CSMD1: variants seen among roughly 807,000 people sequenced by gnomAD.
CSMD1 encodes CUB and sushi domain-containing protein 1.
A neutral mutation model predicts 417.5 loss-of-function variants in CSMD1; 213 were observed. That is an observed-to-expected ratio of 0.51 (90% confidence interval 0.46 to 0.57). The LOEUF (loss-of-function observed/expected upper bound fraction) is 0.57, where lower values mean the gene tolerates loss of function less well. CSMD1 is among the 20% of genes least tolerant of loss of function. The pLI, the probability that CSMD1 is intolerant of heterozygous loss-of-function variation, is 0.00. For synonymous variants in CSMD1, 2,862 were observed against 1,736.8 expected (o/e 1.65, Z -16.11); for missense variants, 6,923 against 4,529.7 (o/e 1.53, Z -15.17).
At chr8:4,894,119 T>TC (rs1563695189) in intron 1 of CSMD1, among the ~76,000 whole-genome samples, 1 of 152,050 alleles carries the variant, frequency 6.6e-6, no homozygotes, top group African/African-American at 2.4e-5. Flanking sequence ...GCGCACTGTA[T>TC]CCCATACATT....
At chr8:3,804,192 G>T (rs1323437818) in intron 5 of CSMD1, among the ~76,000 whole-genome samples, 1 of 152,058 alleles carries the variant, frequency 6.6e-6, no homozygotes, top group Non-Finnish European at 1.5e-5. Flanking sequence ...TCAGCCTCCA[G>T]AAGTGTTGGG....
intron 26 of CSMD1, among the ~76,000 whole-genome samples, chr8:3,276,969 T>A (rs1802339101): frequency 6.6e-6 from 1 of 152,030 alleles, no homozygotes; most frequent in Admixed American, 6.6e-5. Flanking sequence ...GTATAAACAT[T>A]GTGTTTGGGG....
intron 1 of CSMD1, among the ~76,000 whole-genome samples, chr8:4,869,623 G>T (rs974210176): frequency 2.6e-5 from 4 of 151,884 alleles, no homozygotes; most frequent in African/African-American, 9.7e-5. Context: ...TAAAAAGTAT[G>T]AATTTCTTCT....
At chr8:3,183,573 C>G (rs571270144) in intron 36 of CSMD1, among the ~76,000 whole-genome samples, 1 of 138,784 alleles carries the variant, frequency 7.2e-6, no homozygotes, top group Non-Finnish European at 1.5e-5. Context: ...GTCTCTAACG[C>G]CTAATCTATC....
intron 3 of CSMD1, among the ~76,000 whole-genome samples, chr8:4,081,741 A>G (rs1800145351): frequency 6.6e-6 from 1 of 152,238 alleles, no homozygotes; most frequent in African/African-American, 2.4e-5. Context: ...AAAAGGTAAC[A>G]AGAGTATTTT....
chr8:3,923,909 T>C (rs1809457747), intron 5 of CSMD1, among the ~76,000 whole-genome samples: 1 of 152,230 alleles, frequency 6.6e-6, no homozygotes, highest in Non-Finnish European at 1.5e-5. Context: ...ATATTGTCCT[T>C]TAAATTTCAT....
intron 18 of CSMD1, among the ~76,000 whole-genome samples, chr8:3,381,050 G>A (rs1048363298): frequency 2.6e-5 from 4 of 152,126 alleles, no homozygotes; most frequent in Non-Finnish European, 5.9e-5. Flanking sequence ...TCTCAAATGA[G>A]TCAGGCAAAG....
intron 1 of CSMD1, among the ~76,000 whole-genome samples, chr8:4,638,989 A>T (rs748728948): frequency 5.9e-5 from 9 of 152,210 alleles, no homozygotes; most frequent in African/African-American, 1.9e-4. Context: ...GCTTCCTGCA[A>T]GAACCAAGCG....
intron 2 of CSMD1, among the ~76,000 whole-genome samples, chr8:4,580,589 C>A (rs950514580): frequency 2.6e-5 from 4 of 152,120 alleles, no homozygotes; most frequent in African/African-American, 9.7e-5. Flanking sequence ...TCTCCTCTTC[C>A]ATCTCACCCA....
intron 5 of CSMD1, among the ~76,000 whole-genome samples, chr8:3,798,156 T>C (rs1485395133): frequency 2.0e-5 from 3 of 152,060 alleles, no homozygotes; most frequent in Admixed American, 2.0e-4. Context: ...GCATCATATG[T>C]AGTCTTTTAT....
At chr8:3,883,949 T>C (rs2975342) in intron 5 of CSMD1, among the ~76,000 whole-genome samples, 32,796 of 152,038 alleles carry the variant, frequency 0.22, 4,024 homozygotes, top group African/African-American at 0.33. Context: ...CTTTTAAACA[T>C]ACATAGATAT....
intron 5 of CSMD1, among the ~76,000 whole-genome samples, chr8:3,759,293 T>G (rs905373533): frequency 6.6e-6 from 1 of 152,144 alleles, no homozygotes; most frequent in East Asian, 1.9e-4. Flanking sequence ...ATCAGAATGA[T>G]CTAGAATGAT....
rs189604373 is a variant in CSMD1, at chr8:3,535,961, T to A, written c.1344+38984A>T. On this transcript the variant is annotated intron_variant, in intron 10 of 69. Transcript: ENST00000635120. ...AGCCCCCACCAGTCGGTTACAGTTA[T>A]ATGACAGAGGGCCATCCAGGGAGGG... Among the ~76,000 whole-genome samples the A allele has an allele frequency of 4.6e-3, 705 of 152,238 alleles. 2 individuals are homozygous for A. The highest frequency in any genetic ancestry group is 8.0e-3 in the Admixed American group (122 of 15,284).
intron 3 of CSMD1, among the ~76,000 whole-genome samples, chr8:4,374,231 C>A (rs1309067036): frequency 2.0e-5 from 3 of 152,170 alleles, no homozygotes; most frequent in African/African-American, 7.2e-5. Context: ...GTCCCCACAA[C>A]ATCATCACCA....
intron 7 of CSMD1, among the ~76,000 whole-genome samples, chr8:3,707,926 A>G (rs746417222): frequency 3.3e-4 from 51 of 152,266 alleles, no homozygotes; most frequent in Middle Eastern, 3.4e-3. Context: ...TGCAAAAGTC[A>G]TCAGCCAGAC....
chr8:4,117,539 C>G (rs1311705682), intron 3 of CSMD1, among the ~76,000 whole-genome samples: 1 of 152,194 alleles, frequency 6.6e-6, no homozygotes, highest in South Asian at 2.1e-4. Context: ...TATTATAATA[C>G]TCACTGATTG....
intron 3 of CSMD1, among the ~76,000 whole-genome samples, chr8:4,310,763 G>T (rs1398233224): frequency 6.6e-6 from 1 of 152,134 alleles, no homozygotes; most frequent in African/African-American, 2.4e-5. Context: ...GAGGGAGACT[G>T]TGTCCATATA....
At chr8:4,137,001 A>C (rs1803482083) in intron 3 of CSMD1, among the ~76,000 whole-genome samples, 1 of 152,222 alleles carries the variant, frequency 6.6e-6, no homozygotes, top group Non-Finnish European at 1.5e-5. Flanking sequence ...CACAGTGAGA[A>C]ACCAAGCAGC....
intron 1 of CSMD1, among the ~76,000 whole-genome samples, chr8:4,979,671 A>T (rs1357116702): frequency 6.6e-6 from 1 of 152,204 alleles, no homozygotes; most frequent in African/African-American, 2.4e-5. Flanking sequence ...TGTGGTGAAA[A>T]TGTGTTTAGT....
Sources: gnomAD v4.1 joint callset for allele counts (sites outside exome capture counted in the v4.1 genomes callset) on GRCh38, gnomAD v4.1.1 for gene constraint, MANE v1.5 for transcripts, NCBI Gene and HGNC (gene_info 2026-07-23, HGNC 2026-07-21) for gene names.